C10orf71: variants seen among roughly 807,000 people sequenced by gnomAD.
The protein encoded by C10orf71 is cardiac-enriched FHL2-interacting protein.
For missense variants in C10orf71, 1,869 were observed against 1,804.5 expected (o/e 1.04, Z -0.65); for synonymous variants, 758 against 726.3 (o/e 1.04, Z -0.70).
At chr10:49,315,323 A>G (rs1314798585) in intron 1 of C10orf71, among the ~76,000 whole-genome samples, 1 of 152,198 alleles carries the variant, frequency 6.6e-6, no homozygotes, top group Non-Finnish European at 1.5e-5. Flanking sequence ...TGCAGAGTGG[A>G]TTTATTTTAA....
chr10:49,300,358 T>C (rs529280915), intron 1 of C10orf71, among the ~76,000 whole-genome samples: 1 of 150,854 alleles, frequency 6.6e-6, no homozygotes, highest in African/African-American at 2.4e-5. Context: ...GCAGAAACCA[T>C]ATGGCCTGCA....
chr10:49,303,560 CCG>C (rs1418939690), intron 1 of C10orf71, among the ~76,000 whole-genome samples: 1 of 152,162 alleles, frequency 6.6e-6, no homozygotes, highest in Non-Finnish European at 1.5e-5. Context: ...TAAGCCAGCC[CCG>C]AGGGCATTCT....
At chr10:49,297,926 G>A (rs540213241), upstream of C10orf71, among the ~76,000 whole-genome samples, 108 of 152,352 alleles carry the variant, frequency 7.1e-4, no homozygotes, top group African/African-American at 2.5e-3. Context: ...CCACAGCGAG[G>A]TTCTGAAGCT....
chr10:49,323,156 A>G lies in C10orf71; in HGVS notation c.611A>G (p.Asn204Ser), dbSNP rs1236052540. Reference protein sequence around the residue: ...TVRRVPAEVSNTHQNSYQPGR... With the variant: ...TVRRVPAEVSSTHQNSYQPGR... ...AGGAGGGTGCCCGCTGAAGTTTCCA[A>G]CACCCATCAGAACAGCTACCAGCCA... Residue 204 changes from asparagine to serine, a missense_variant, in exon 3 of 3, where the codon AAC becomes AGC. Transcript: ENST00000374144. The G allele has an allele frequency of 6.2e-7, 1 of 1,613,890 alleles. No homozygotes were observed.
intron 1 of C10orf71, among the ~76,000 whole-genome samples, chr10:49,299,649 G>A (rs1308913393): frequency 6.6e-6 from 1 of 152,158 alleles, no homozygotes; most frequent in Non-Finnish European, 1.5e-5. Flanking sequence ...GATGGGCCTC[G>A]GGGACCACGT....
At position 49,323,336 on chromosome 10, in the gene C10orf71, G is replaced by A. The variant is rs768036710; in HGVS notation, c.791G>A (p.Arg264Lys). Reference sequence around the variant, plus strand: ...AAGCCAGTCACGGGTGAGCCTGGGAGAGGCAAAGGTACCTTTCTGCACAGT... The same window carrying A: ...AAGCCAGTCACGGGTGAGCCTGGGAAAGGCAAAGGTACCTTTCTGCACAGT... ...HHKPVTGEPG[R>K]GKGTFLHSEN... The change falls in exon 3 of 3, where the codon AGA becomes AAA. Residue 264 changes from arginine to lysine, a missense_variant. Physicochemically the swap from Arg to Lys is conservative, Grantham distance 26. Transcript: ENST00000374144. 6.2e-6 allele frequency: 10 copies of A among 1,613,880 alleles called. No individual in the cohort carries two copies. The highest frequency in any genetic ancestry group is 8.5e-6 in the Non-Finnish European group (10 of 1,179,834).
rs1279950561 is a variant in C10orf71 at position 49,322,412 on chromosome 10, A to T, written c.-134A>T. On this transcript the variant is annotated 5_prime_UTR_variant, in exon 3 of 3. Transcript: ENST00000374144. The stretch of plus-strand genomic sequence containing the variant: ...CTTTTTCTTTTGCAGAGAAAAAAAA[A>T]AATCCCCACTTTGCAATTGCATCTG... The T allele has an allele frequency of 2.6e-6, 3 of 1,134,864 alleles. No individual in the cohort carries two copies. In the Admixed American group the frequency reaches 9.2e-5, roughly 35 times the overall value. 70.3% of individuals were successfully genotyped at this position (1,134,864 alleles called of 1,614,324 possible).
chr10:49,318,301 G>A (rs1849033288), intron 2 of C10orf71, among the ~76,000 whole-genome samples: 1 of 152,218 alleles, frequency 6.6e-6, no homozygotes, highest in Admixed American at 6.5e-5. Flanking sequence ...CTGAAGACCG[G>A]AGCATGTGTC....
At position 49,324,246 on chromosome 10, in the gene C10orf71, A is replaced by G. The variant is rs557712493; in HGVS notation, c.1701A>G (p.Ala567=). The change falls in exon 3 of 3, where the codon GCA becomes GCG. Residue 567 remains alanine (A), a synonymous_variant. Transcript: ENST00000374144. Reference sequence around the variant, plus strand: ...AGAGACCCGCTGATGACCCCACTGCATCACACATCAATCCCCAGAAGGACC... The same window carrying G: ...AGAGACCCGCTGATGACCCCACTGCGTCACACATCAATCCCCAGAAGGACC... ...SKERPADDPT[A]SHINPQKDPT... The G allele has an allele frequency of 5.0e-6, 8 of 1,613,988 alleles. No individual in the cohort carries two copies. Among genetic ancestry groups the G allele is most frequent in the Non-Finnish European group, 6.8e-6 (8 of 1,179,884 alleles).
intron 2 of C10orf71, among the ~76,000 whole-genome samples, chr10:49,319,724 A>G (rs1259834205): frequency 1.6e-5 from 2 of 126,866 alleles, no homozygotes; most frequent in African/African-American, 6.3e-5. Flanking sequence ...ATATATATAT[A>G]TATATATATA....
intron 1 of C10orf71, among the ~76,000 whole-genome samples, chr10:49,307,286 G>T (rs991835968): frequency 6.6e-6 from 1 of 152,258 alleles, no homozygotes; most frequent in Non-Finnish European, 1.5e-5. Flanking sequence ...TGCTTAGGGA[G>T]CATCTGGCTG....
chr10:49,313,370 T>C (rs1037916020), intron 1 of C10orf71, among the ~76,000 whole-genome samples: 1 of 151,954 alleles, frequency 6.6e-6, no homozygotes, highest in Non-Finnish European at 1.5e-5. Context: ...AAGGACCAGG[T>C]TGGTTGGAAA....
intron 1 of C10orf71, among the ~76,000 whole-genome samples, chr10:49,300,333 T>C (rs952771213): frequency 2.0e-5 from 3 of 152,118 alleles, no homozygotes; most frequent in African/African-American, 4.8e-5. Context: ...CTAAAGCTGC[T>C]TCTACACTAT....
intron 1 of C10orf71, among the ~76,000 whole-genome samples, chr10:49,300,456 T>G (rs1250210116): frequency 1.2e-5 from 1 of 86,046 alleles, no homozygotes; most frequent in Non-Finnish European, 2.2e-5. Flanking sequence ...TGGGTCAATT[T>G]AATACAAAAA....
In C10orf71 at chr10:49,325,707, G is replaced by A. The variant is rs773763574; in HGVS notation, c.3162G>A (p.Ala1054=). The change falls in exon 3 of 3, where the codon GCG becomes GCA. Residue 1054 remains alanine (A), a synonymous_variant. Transcript: ENST00000374144. ...PGRRLVPSER[A]NSPNPGSPGE... Reference sequence around the variant, plus strand: ...GAAGACTGGTCCCCAGTGAGAGGGCGAATTCCCCCAACCCCGGCTCCCCCG... The same window carrying A: ...GAAGACTGGTCCCCAGTGAGAGGGCAAATTCCCCCAACCCCGGCTCCCCCG... 22 of 1,551,622 alleles carry A rather than the reference G, an allele frequency of 1.4e-5. 1 individual carries two copies. The East Asian group carries it at 3.2e-4, about 22-fold the overall frequency.
Position 49,323,690 on chromosome 10 carries a change from G to A in C10orf71, c.1145G>A (p.Arg382Lys), listed in dbSNP as rs1439849418. ...SQEKPAQPPW[R>K]KPKTGKKGKE... ...GAGAAGCCAGCCCAGCCCCCATGGA[G>A]GAAGCCAAAGACTGGCAAAAAAGGG... Residue 382 changes from arginine (R) to lysine (K), a missense_variant, in exon 3 of 3, where the codon AGG becomes AAG. Transcript: ENST00000374144. 1.9e-5 allele frequency: 31 copies of A among 1,613,742 alleles called. No individual in the cohort carries two copies. Among genetic ancestry groups the A allele is most frequent in the Non-Finnish European group, 2.6e-5 (31 of 1,179,878 alleles).
intron 1 of C10orf71, among the ~76,000 whole-genome samples, chr10:49,313,853 G>T (rs4838495): frequency 0.14 from 20,984 of 152,200 alleles, 1,755 homozygotes; most frequent in South Asian, 0.23. Flanking sequence ...GGGCGGAGGC[G>T]TGGACTGCAG....
Position 49,324,129 on chromosome 10 carries a change from A to T in C10orf71, c.1584A>T (p.Arg528Ser), listed in dbSNP as rs1258776176. 1.9e-6 allele frequency: 3 copies of T among 1,613,950 alleles called. No homozygotes were observed. The highest frequency in any genetic ancestry group is 2.5e-6 in the Non-Finnish European group (3 of 1,179,884). ...TGAAAGTGCTTGATGAGAAAACTAGAGGTAAGGTTGATGGAAAGCAAGAAC... is the reference window on the plus strand; with the variant it reads ...TGAAAGTGCTTGATGAGAAAACTAGTGGTAAGGTTGATGGAAAGCAAGAAC... The part of the protein sequence containing the change: ...PLLKVLDEKT[R>S]GKVDGKQEPV... The change falls in exon 3 of 3, where the codon AGA (arginine) becomes AGT (serine). Residue 528 changes from arginine to serine, a missense_variant. Physicochemically the swap from Arg to Ser is moderately radical, Grantham distance 110. Transcript: ENST00000374144.
In C10orf71 at chr10:49,325,209, C is replaced by A. The variant is rs1849198690; in HGVS notation, c.2664C>A (p.Gly888=). ...TMSLEDSLSS[G]HKEEELPRPE... is the part of the protein sequence containing the mutation. ...CCTTGGAGGACTCCCTCAGCAGTGG[C>A]CACAAAGAGGAGGAATTGCCAAGGC... Residue 888 remains glycine (G), a synonymous_variant, in exon 3 of 3, where the codon GGC becomes GGA. Transcript: ENST00000374144. 1.3e-6 allele frequency: 2 copies of A among 1,551,978 alleles called. No homozygotes were observed.
Sources: allele counts gnomAD v4.1 joint callset (sites outside exome capture counted in the v4.1 genomes callset), GRCh38; gene constraint gnomAD v4.1.1; transcripts MANE v1.5; gene names NCBI Gene and HGNC (gene_info 2026-07-23, HGNC 2026-07-21).